The following TNR variants were observed in gnomAD, a reference collection of about 807,000 sequenced individuals.
TNR encodes the protein tenascin R, also known as tenascin-R.
A neutral mutation model predicts 150.4 loss-of-function variants in TNR; 45 were observed. That is an observed-to-expected ratio of 0.30 (90% CI 0.24 to 0.38). TNR has a LOEUF of 0.38. TNR is among the 10% of genes least tolerant of loss of function. The probability of loss-of-function intolerance (pLI) is 1.00; values close to 1 mark genes in which losing one functional copy is unlikely to be tolerated. For synonymous variants in TNR, 687 were observed against 678.4 expected (o/e 1.01, Z -0.20); for missense variants, 1,544 against 1,759.1 (o/e 0.88, Z 2.19).
At chr1:175,508,338 G>A (rs773798158) in intron 2 of TNR, among the ~76,000 whole-genome samples, 1 of 152,196 alleles carries the variant, frequency 6.6e-6, no homozygotes, top group Non-Finnish European at 1.5e-5. Flanking sequence ...ATACAGCCCT[G>A]TTGGTTGCTG....
chr1:175,391,518 G>T (rs1015775083), intron 6 of TNR, 80 bp from the exon 7 acceptor site: 56 of 1,461,912 alleles, frequency 3.8e-5, no homozygotes, highest in Admixed American at 1.3e-4. Context: ...TAAAGGTGTG[G>T]AATACTAATT....
chr1:175,380,691 C>A (rs867535231), intron 8 of TNR, among the ~76,000 whole-genome samples: 1 of 152,148 alleles, frequency 6.6e-6, no homozygotes. Flanking sequence ...AAAGAGACGA[C>A]GGGGACACTG....
intron 1 of TNR, among the ~76,000 whole-genome samples, chr1:175,715,355 A>G (rs1025725404): frequency 6.6e-6 from 1 of 152,118 alleles, no homozygotes; most frequent in African/African-American, 2.4e-5. Context: ...ACTCCATGGC[A>G]TCTTCATTCT....
rs374369621 is a variant in TNR, at chr1:175,320,531, A to G, written c.*2826T>C. 1 of 152,116 alleles carries G rather than the reference A, an allele frequency of 6.6e-6. No individual in the cohort carries two copies. The highest frequency in any genetic ancestry group is 1.5e-5 in the Non-Finnish European group (1 of 68,014). 9.4% of individuals were successfully genotyped at this position (152,116 alleles called of 1,614,324 possible). On this transcript the variant is annotated 3_prime_UTR_variant, in exon 23 of 23. Coordinates refer to ENST00000367674, the MANE Select transcript of TNR (RefSeq NM_003285.3). ...CAATAAAAGGAAGATTTTTGTTTCC[A>G]CTGATGTTTCTTGACTTTCACCTGA...
chr1:175,368,328 C>T lies in TNR; in HGVS notation c.1964-1031G>A, dbSNP rs369486562. Among the ~76,000 whole-genome samples, 42 of 152,306 alleles carry T rather than the reference C, an allele frequency of 2.8e-4. No individual in the cohort carries two copies. The South Asian group carries it at 6.8e-3, about 25-fold the overall frequency. ...TAGAGGTTGCCTGCATTCTTTGGTT[C>T]ATGGTCTCTTAATCTATCTTCAAAG... On this transcript the variant is annotated intron_variant, in intron 9 of 22. Coordinates refer to ENST00000367674, the MANE Select transcript of TNR (RefSeq NM_003285.3).
intron 1 of TNR, among the ~76,000 whole-genome samples, chr1:175,579,895 G>A (rs1468010835): frequency 2.0e-5 from 3 of 151,868 alleles, no homozygotes; most frequent in East Asian, 1.9e-4. Flanking sequence ...CCCTTTCAGC[G>A]GGGTGGCTTC....
At chr1:175,455,286 G>A (rs1656520254) in intron 2 of TNR, among the ~76,000 whole-genome samples, 1 of 149,454 alleles carries the variant, frequency 6.7e-6, no homozygotes, top group Non-Finnish European at 1.5e-5. Flanking sequence ...ATAATAGAAT[G>A]GCTGTTATTT....
intron 18 of TNR, among the ~76,000 whole-genome samples, chr1:175,339,587 G>A (rs1650418065): frequency 6.6e-6 from 1 of 152,154 alleles, no homozygotes; most frequent in Admixed American, 6.5e-5. Context: ...CAGCCTGTCT[G>A]CCTTTCTTTC....
intron 6 of TNR, among the ~76,000 whole-genome samples, chr1:175,392,424 G>A (rs1653218596): frequency 6.6e-6 from 1 of 152,120 alleles, no homozygotes; most frequent in Non-Finnish European, 1.5e-5. Context: ...TAAACCATGT[G>A]GCCATGCATT....
chr1:175,401,809 G>C (rs1653714443), intron 4 of TNR, among the ~76,000 whole-genome samples: 1 of 152,016 alleles, frequency 6.6e-6, no homozygotes, highest in Non-Finnish European at 1.5e-5. Context: ...TCCTAAAATT[G>C]CTCCATTAGA....
At chr1:175,696,224 T>TTG (rs1553254725) in intron 1 of TNR, among the ~76,000 whole-genome samples, 50,356 of 120,164 alleles carry the variant, frequency 0.42, 10,378 homozygotes, top group East Asian at 0.71. Context: ...GTAGTTTTTT[T>TTG]TTTTTTTTTT....
chr1:175,374,877 T>C (rs1293723786), intron 9 of TNR, among the ~76,000 whole-genome samples: 1 of 152,226 alleles, frequency 6.6e-6, no homozygotes, highest in Non-Finnish European at 1.5e-5. Flanking sequence ...TTCCTGGTCA[T>C]GAGAATCCTT....
At chr1:175,662,458 A>G (rs1272721653) in intron 1 of TNR, among the ~76,000 whole-genome samples, 1 of 152,020 alleles carries the variant, frequency 6.6e-6, no homozygotes, top group African/African-American at 2.4e-5. Context: ...TGTAAGTCTT[A>G]TCTCCCTACT....
chr1:175,339,029 T>C (rs539321515), intron 18 of TNR, among the ~76,000 whole-genome samples: 2 of 152,370 alleles, frequency 1.3e-5, no homozygotes, highest in East Asian at 1.9e-4. Context: ...TAAATTTCTA[T>C]AGAACCTATC....
intron 1 of TNR, among the ~76,000 whole-genome samples, chr1:175,564,266 T>A (rs1351517826): frequency 6.6e-6 from 1 of 152,092 alleles, no homozygotes; most frequent in Non-Finnish European, 1.5e-5. Context: ...GCCCTGTCTC[T>A]CTGACCACCC....
chr1:175,335,859 A>G, intron 19 of TNR, 52 bp from the exon 20 acceptor site: 1 of 1,504,860 alleles, frequency 6.6e-7, no homozygotes. Flanking sequence ...AACAAAACCC[A>G]AAGAGATGCT....
At chr1:175,347,969 G>A (rs142299583) in intron 18 of TNR, among the ~76,000 whole-genome samples, 1 of 152,010 alleles carries the variant, frequency 6.6e-6, no homozygotes, top group Non-Finnish European at 1.5e-5. Context: ...AAATAAAATT[G>A]CCATTATTTG....
chr1:175,520,686 C>T (rs1659602993), intron 2 of TNR, among the ~76,000 whole-genome samples: 1 of 152,020 alleles, frequency 6.6e-6, no homozygotes, highest in African/African-American at 2.4e-5. Context: ...CTCTCTCTCT[C>T]TCTCTTTCTC....
intron 2 of TNR, among the ~76,000 whole-genome samples, chr1:175,492,401 T>G (rs920642313): frequency 3.3e-5 from 5 of 152,222 alleles, no homozygotes; most frequent in Non-Finnish European, 7.3e-5. Context: ...AAATGATTTC[T>G]TCTGGGAATG....
Sources: gnomAD v4.1 joint callset for allele counts (sites outside exome capture counted in the v4.1 genomes callset) on GRCh38, gnomAD v4.1.1 for gene constraint, MANE v1.5 for transcripts, NCBI Gene and HGNC (gene_info 2026-07-23, HGNC 2026-07-21) for gene names.